The following FAT1 variants were observed in gnomAD, a reference collection of about 807,000 sequenced individuals.
FAT1 encodes the protein protocadherin Fat 1.
FAT1 carries 171 observed loss-of-function variants against 329.8 expected under a neutral mutation model. The ratio of observed to expected loss-of-function variants is 0.52; its 90% CI spans 0.46 to 0.59. The LOEUF (loss-of-function observed/expected upper bound fraction) is 0.59. Among genes scored for constraint, FAT1 ranks in the 20% least tolerant of loss-of-function variants. The probability of loss-of-function intolerance (pLI) is 0.00; values close to 1 mark genes in which losing one functional copy is unlikely to be tolerated. For synonymous variants in FAT1, 2,233 were observed against 2,228.6 expected, an observed-to-expected ratio of 1.00 and a Z score of -0.06; for missense variants, 5,672 against 5,774.4, an observed-to-expected ratio of 0.98 and a Z score of 0.57.
intron 9 of FAT1, among the ~76,000 whole-genome samples, chr4:186,626,461 C>T (rs1400509675): frequency 5.1e-5 from 4 of 77,806 alleles, no homozygotes; most frequent in Non-Finnish European, 1.1e-4. Flanking sequence ...AATGAGGGAC[C>T]AACATGGCAC....
intron 2 of FAT1, among the ~76,000 whole-genome samples, chr4:186,701,290 C>T (rs1744298604): frequency 2.0e-5 from 3 of 152,154 alleles, no homozygotes; most frequent in Admixed American, 2.0e-4. Context: ...CAGAATCACA[C>T]ACACACAAGA....
In FAT1 at chr4:186,604,444, T is replaced by C. The variant is rs766881276; in HGVS notation, c.10481A>G (p.Gln3494Arg). The change falls in exon 18 of 27, where the codon CAA (glutamine) becomes CGA (arginine). Residue 3494 changes from glutamine (Q) to arginine (R), a missense_variant. Around this residue, in one of 2 missense-constraint regions of FAT1, gnomAD observed 1,706 missense variants for 1,859.1 expected, o/e 0.92. Coordinates refer to ENST00000441802, the MANE Select transcript of FAT1 (RefSeq NM_005245.4). Reference protein sequence around the residue: ...NDEKAFEVNPQGVLLTSSAIK... With the variant: ...NDEKAFEVNPRGVLLTSSAIK... ...GGCAGATGATGTCAGGAGGACTCCTTGCGGGTTAACTTCAAAAGCCTTCTC... is the reference window on the plus strand; with the variant it reads ...GGCAGATGATGTCAGGAGGACTCCTCGCGGGTTAACTTCAAAAGCCTTCTC... 41 of 1,613,832 alleles carry C rather than the reference T, an allele frequency of 2.5e-5. No individual in the cohort carries two copies. Among genetic ancestry groups the C allele is most frequent in the Non-Finnish European group, 3.1e-5 (37 of 1,179,872 alleles).
Position 186,628,561 on chromosome 4 carries a change from G to A in FAT1, c.4526C>T (p.Pro1509Leu). The A allele has an allele frequency of 6.2e-7, 1 of 1,614,010 alleles. No homozygotes were observed. Reference protein sequence around the residue: ...PLSLKKFRLDPATGSLYTSEK... With the variant: ...PLSLKKFRLDLATGSLYTSEK... ...AGAAGTATAGAGAGAGCCGGTTGCA[G>A]GATCAAGACGAAATTTCTTGAGACT... Residue 1509 changes from proline to leucine, a missense_variant, in exon 8 of 27, where the codon CCT (proline) becomes CTT (leucine). Physicochemically the swap from Pro to Leu is moderately conservative, Grantham distance 98. Transcript: ENST00000441802.
chr4:186,723,513 G>A (rs1378731064), intron 1 of FAT1, among the ~76,000 whole-genome samples, 151 bp downstream of exon 1: 1 of 152,180 alleles, frequency 6.6e-6, no homozygotes, highest in East Asian at 1.9e-4. Context: ...GAAGGACCGA[G>A]TCACTCCACC....
rs186403317 is a variant in FAT1, at chr4:186,635,024, A to G, written c.4183+1001T>C. Among the ~76,000 whole-genome samples, 7 of 152,358 alleles carry G rather than the reference A, an allele frequency of 4.6e-5. No individual in the cohort carries two copies. The East Asian group carries it at 1.3e-3, about 29-fold the overall frequency. On this transcript the variant is annotated intron_variant, in intron 6 of 26. Transcript: ENST00000441802. The stretch of plus-strand genomic sequence containing the variant: ...TAGTCTCTTTTTCCCCTTCCCTTGA[A>G]AGTATGCTGTAAGGGTTTCACAGGT...
chr4:186,594,441 TTA>T (rs1367966530), intron 26 of FAT1, among the ~76,000 whole-genome samples: 2 of 151,646 alleles, frequency 1.3e-5, no homozygotes, highest in Non-Finnish European at 2.9e-5. Context: ...TGAAATGTAT[TTA>T]TAAAGAGCAT....
chr4:186,723,180 G>A (rs1745536933), intron 1 of FAT1, among the ~76,000 whole-genome samples: 1 of 152,228 alleles, frequency 6.6e-6, no homozygotes, highest in Admixed American at 6.5e-5. Context: ...ATGCAGCCTC[G>A]CAGCCCTTCA....
rs1312806008 is a variant in FAT1 at position 186,708,843 on chromosome 4, G to A, written c.985C>T (p.Pro329Ser). 2.5e-6 allele frequency: 4 copies of A among 1,613,950 alleles called. No homozygotes were observed. The highest frequency in any genetic ancestry group is 1.6e-4 in the Middle Eastern group (1 of 6,062). The part of the protein sequence containing the change: ...AIGGIDWDSH[P>S]FGYNLTLQAK... ...TGTAGTGTGAGATTGTAGCCGAAAG[G>A]ATGACTGTCCCAATCAATGCCACCG... The change falls in exon 2 of 27, where the codon CCT (proline) becomes TCT (serine). Residue 329 changes from proline (P) to serine (S), a missense_variant. Pro to Ser is a moderately conservative substitution (Grantham distance 74, BLOSUM62 -1). This residue lies in a region of FAT1 where 3,966 missense variants were observed against 3,915.2 expected (regional missense o/e 1.01). Coordinates refer to ENST00000441802, the MANE Select transcript of FAT1 (RefSeq NM_005245.4).
In FAT1 at chr4:186,706,796, G is replaced by C. The variant is rs1285798739; in HGVS notation, c.3032C>G (p.Ser1011Cys). 6.2e-7 allele frequency: 1 copy of C among 1,613,886 alleles called. No homozygotes were observed. The highest frequency in any genetic ancestry group is 1.3e-5 in the African/African-American group (1 of 74,912). The change falls in exon 2 of 27, where the codon TCT becomes TGT. Residue 1011 changes from serine (S) to cysteine (C), a missense_variant. Physicochemically the swap from Ser to Cys is moderately radical, Grantham distance 112. This residue lies in a region of FAT1 where 3,966 missense variants were observed against 3,915.2 expected (regional missense o/e 1.01). Coordinates refer to ENST00000441802, the MANE Select transcript of FAT1 (RefSeq NM_005245.4). ...VRAKDKGKPV[S>C]LSSTCYVEVE... is the part of the protein sequence containing the mutation. ...TTCAACATAGCAAGTAGAAGACAGAGAAACTGGCTTTCCCTTGTCTTTGGC... is the reference window on the plus strand; with the variant it reads ...TTCAACATAGCAAGTAGAAGACAGACAAACTGGCTTTCCCTTGTCTTTGGC...
intron 4 of FAT1, among the ~76,000 whole-genome samples, chr4:186,638,041 C>A (rs955290994): frequency 6.6e-6 from 1 of 152,198 alleles, no homozygotes; most frequent in Non-Finnish European, 1.5e-5. Context: ...GTATTCATCA[C>A]CAAATTGTTC....
intron 2 of FAT1, among the ~76,000 whole-genome samples, chr4:186,674,904 G>A (rs1431260959): frequency 2.0e-5 from 3 of 151,898 alleles, no homozygotes; most frequent in Non-Finnish European, 2.9e-5. Flanking sequence ...CATGGTGGCA[G>A]GCACCTGTAG....
At chr4:186,700,937 T>C (rs1744277443) in intron 2 of FAT1, among the ~76,000 whole-genome samples, 1 of 152,106 alleles carries the variant, frequency 6.6e-6, no homozygotes, top group Admixed American at 6.5e-5. Context: ...CGTAAGCTGT[T>C]TCCACCCCAC....
At chr4:186,712,103 T>C (rs563123622) in intron 1 of FAT1, among the ~76,000 whole-genome samples, 2 of 152,352 alleles carry the variant, frequency 1.3e-5, no homozygotes, top group African/African-American at 2.4e-5. Context: ...TATAAAGTTA[T>C]CATGCAGCCA....
At position 186,629,967 on chromosome 4, in the gene FAT1, T is replaced by C. The variant is rs117518625; in HGVS notation, c.4324-1204A>G. On this transcript the variant is annotated intron_variant, in intron 7 of 26. Coordinates refer to ENST00000441802, the MANE Select transcript of FAT1 (RefSeq NM_005245.4). ...TTTCCACTATAAATTTAAAAATTAC[T>C]TTTCCCATGTAGTGGGTACTGAGCA... Among the ~76,000 whole-genome samples, 35 of 152,342 alleles carry C rather than the reference T, an allele frequency of 2.3e-4. No individual in the cohort carries two copies. The East Asian group carries it at 6.2e-3, about 27-fold the overall frequency.
intron 2 of FAT1, among the ~76,000 whole-genome samples, chr4:186,692,563 C>T (rs903930906): frequency 2.0e-5 from 3 of 152,252 alleles, no homozygotes; most frequent in Admixed American, 6.5e-5. Context: ...CCGCCCGCCT[C>T]GGCCTCCCAA....
rs1401685530 is a variant in FAT1 at position 186,609,835 on chromosome 4, C to G, written c.10034G>C (p.Ser3345Thr). 1 of 1,613,642 alleles carries G rather than the reference C, an allele frequency of 6.2e-7. No individual in the cohort carries two copies. Among genetic ancestry groups the G allele is most frequent in the Non-Finnish European group, 8.5e-7 (1 of 1,179,670 alleles). Residue 3345 changes from serine (S) to threonine (T), a missense_variant, in exon 15 of 27, where the codon AGT (serine) becomes ACT (threonine). Physicochemically the swap from Ser to Thr is moderately conservative, Grantham distance 58. Coordinates refer to ENST00000441802, the MANE Select transcript of FAT1 (RefSeq NM_005245.4). The part of the protein sequence containing the change: ...FSQDTYTTVI[S>T]EDAVLEQSVI... Reference sequence around the variant, plus strand: ...AGACTGCTCAAGAACGGCATCTTCACTGATGACTGTCGTGTAGGTGTCTTG... The same window carrying G: ...AGACTGCTCAAGAACGGCATCTTCAGTGATGACTGTCGTGTAGGTGTCTTG...
intron 16 of FAT1, 22 bp from the exon 17 acceptor site, chr4:186,606,235 T>A (rs2126448851): frequency 6.2e-7 from 1 of 1,612,198 alleles, no homozygotes; most frequent in Non-Finnish European, 8.5e-7. Flanking sequence ...AAAGACAGAA[T>A]GCACGTTCAT....
chr4:186,636,366 G>T (rs1740816023), intron 5 of FAT1, 131 bp from the exon 6 acceptor site: 1 of 890,792 alleles, frequency 1.1e-6, no homozygotes, highest in South Asian at 1.7e-5. Flanking sequence ...TTCTGTGTAT[G>T]GAATGCCTGA....
intron 26 of FAT1, chr4:186,590,758 A>G (rs1738203303): frequency 4.5e-6 from 2 of 439,722 alleles, no homozygotes; most frequent in African/African-American, 4.1e-5. Context: ...AATAAAATAT[A>G]AACTGATCAG....
Sources: allele counts gnomAD v4.1 joint callset (sites outside exome capture counted in the v4.1 genomes callset), GRCh38; gene constraint gnomAD v4.1.1; regional missense constraint gnomAD v4.1.1; transcripts MANE v1.5; gene names NCBI Gene and HGNC (gene_info 2026-07-23, HGNC 2026-07-21).